Variants in GFM2 observed in about 807,000 individuals in gnomAD.
The protein encoded by GFM2 is GTP dependent ribosome recycling factor mitochondrial 2, also known as ribosome-releasing factor 2, mitochondrial.
GFM2 carries 72 observed loss-of-function variants against 95.4 expected under a neutral mutation model. That is an observed-to-expected ratio of 0.76 (90% CI 0.62 to 0.92). The LOEUF is 0.92. Among genes scored for constraint, GFM2 ranks in the 40% least tolerant of loss-of-function variants. The probability of loss-of-function intolerance (pLI) is 0.00; values close to 1 mark genes in which losing one functional copy is unlikely to be tolerated. For missense variants in GFM2, 825 were observed against 924.1 expected (o/e 0.89, Z 1.39); for synonymous variants, 276 against 317.5 (o/e 0.87, Z 1.39).
At chr5:74,736,489 C>T (rs1742840203) in intron 15 of GFM2, 1 of 985,096 alleles carries the variant, frequency 1.0e-6, no homozygotes, top group African/African-American at 1.7e-5. Context: ...GAATCAGTTA[C>T]TGTCTAATCT....
intron 12 of GFM2, 75 bp from the exon 13 acceptor site, chr5:74,738,717 C>T (rs1464857324): frequency 7.2e-7 from 1 of 1,397,310 alleles, no homozygotes; most frequent in African/African-American, 1.4e-5. Context: ...TTAATGTCCC[C>T]AAAGATCTAT....
At chr5:74,761,035 T>C (rs775975776) in intron 2 of GFM2, 49 bp from the exon 3 acceptor site, 1 of 1,011,540 alleles carries the variant, frequency 9.9e-7, no homozygotes, top group Non-Finnish European at 1.5e-6. Context: ...TTAGCATCAC[T>C]TATTACAGTG....
intron 20 of GFM2, 121 bp from the exon 21 acceptor site, chr5:74,721,904 TCACTTCCTC>T: frequency 1.2e-6 from 1 of 847,596 alleles, no homozygotes; most frequent in Non-Finnish European, 1.8e-6. Context: ...CTTAGCCATA[TCACTTCCTC>T]CAAACAGATG....
intron 12 of GFM2, among the ~76,000 whole-genome samples, chr5:74,739,063 T>C (rs918419609): frequency 1.3e-5 from 2 of 152,128 alleles, no homozygotes; most frequent in African/African-American, 2.4e-5. Context: ...TTGAAATTGT[T>C]CACATAACCA....
Position 74,747,827 on chromosome 5 carries a change from A to G in GFM2, c.520-47T>C, listed in dbSNP as rs754092033. On this transcript the variant is annotated intron_variant, in intron 7 of 20. Coordinates refer to ENST00000296805, the MANE Select transcript of GFM2 (RefSeq NM_032380.5). Reference sequence around the variant, plus strand: ...AAATACATACTGAACAAAAGTAACTATGTTACTAGACCTGGAATGAAGAGA... The same window carrying G: ...AAATACATACTGAACAAAAGTAACTGTGTTACTAGACCTGGAATGAAGAGA... The G allele has an allele frequency of 2.3e-5, 24 of 1,030,770 alleles. No homozygotes were observed. The Admixed American group carries it at 3.7e-4, about 16-fold the overall frequency. 63.9% of individuals were successfully genotyped at this position (1,030,770 alleles called of 1,614,324 possible).
Position 74,725,768 on chromosome 5 carries a change from A to C in GFM2, c.1913-13T>G, listed in dbSNP as rs764298909. On this transcript the variant is annotated splice_polypyrimidine_tract_variant and intron_variant, in intron 18 of 20. Coordinates refer to ENST00000296805, the MANE Select transcript of GFM2 (RefSeq NM_032380.5). ...CCAAGCAATGGTCCTAGACAAGGGA[A>C]AAAAATTGTATCATACTCTGCTAGA... 1 of 1,581,668 alleles carries C rather than the reference A, an allele frequency of 6.3e-7. No individual in the cohort carries two copies. Among genetic ancestry groups the C allele is most frequent in the Non-Finnish European group, 8.7e-7 (1 of 1,150,962 alleles).
intron 6 of GFM2, 45 bp downstream of exon 6, chr5:74,751,323 C>A: frequency 6.4e-7 from 1 of 1,552,912 alleles, no homozygotes; most frequent in Non-Finnish European, 8.7e-7. Context: ...AACAAAAAAA[C>A]TCCAAATGAC....
At chr5:74,740,941 A>G (rs1380624664) in intron 11 of GFM2, among the ~76,000 whole-genome samples, 2 of 152,144 alleles carry the variant, frequency 1.3e-5, no homozygotes, top group African/African-American at 2.4e-5. Flanking sequence ...CTTACGTTTC[A>G]TAAAGAAAAA....
At chr5:74,759,496 C>G (rs770369062) in intron 3 of GFM2, 70 bp from the exon 4 acceptor site, 1 of 809,984 alleles carries the variant, frequency 1.2e-6, no homozygotes. Context: ...AAATGAAAGA[C>G]TTTAAAATAA....
At chr5:74,744,984 A>G (rs972736543) in intron 10 of GFM2, among the ~76,000 whole-genome samples, 4 of 152,204 alleles carry the variant, frequency 2.6e-5, no homozygotes, top group African/African-American at 9.7e-5. Flanking sequence ...GTAACATTTC[A>G]TTTATGTAAA....
At chr5:74,732,915 CTT>C (rs1742641762) in intron 16 of GFM2, 105 bp downstream of exon 16, 6 of 598,302 alleles carry the variant, frequency 1.0e-5, no homozygotes, top group East Asian at 9.1e-5. Flanking sequence ...AGGACACAGA[CTT>C]AATGTTTTAG....
At chr5:74,765,013 T>TC (rs1744483447) in intron 1 of GFM2, 4 of 496,944 alleles carry the variant, frequency 8.0e-6, no homozygotes, top group African/African-American at 2.0e-5. Flanking sequence ...CGTGAACTCC[T>TC]GACCTCAAGT....
Position 74,725,934 on chromosome 5 carries a change from G to C in GFM2, c.1912+7C>G. On this transcript the variant is annotated splice_region_variant and intron_variant, in intron 18 of 20. Transcript: ENST00000296805. ...TACTAATGCTTACTCTCATTTGAGT[G>C]TCTTACCTTGGAGACATGCGCTGTG... 1.2e-6 allele frequency: 2 copies of C among 1,604,466 alleles called. No homozygotes were observed. Among genetic ancestry groups the C allele is most frequent in the African/African-American group, 2.7e-5 (2 of 74,506 alleles).
In GFM2 at chr5:74,738,575, G is replaced by C. The variant is rs199681606; in HGVS notation, c.1147C>G (p.Leu383Val). Residue 383 changes from leucine (L) to valine (V), a missense_variant, in exon 13 of 21, where the codon CTG (leucine) becomes GTG (valine). Coordinates refer to ENST00000296805, the MANE Select transcript of GFM2 (RefSeq NM_032380.5). ...KVLHDKQRGPLVFMRIYSGTI... is the reference protein window; with the variant it reads ...KVLHDKQRGPVVFMRIYSGTI... Reference sequence around the variant, plus strand: ...CCTGAGTAAATGCGCATAAAAACCAGTGGTCCTCGCTGCTTGTCATGGAGA... The same window carrying C: ...CCTGAGTAAATGCGCATAAAAACCACTGGTCCTCGCTGCTTGTCATGGAGA... 2.9e-4 allele frequency: 467 copies of C among 1,613,726 alleles called. No individual in the cohort carries two copies. Among genetic ancestry groups the C allele is most frequent in the Non-Finnish European group, 3.7e-4 (438 of 1,179,716 alleles).
At chr5:74,745,889 A>C in intron 9 of GFM2, 32 bp from the exon 10 acceptor site, 1 of 1,535,818 alleles carries the variant, frequency 6.5e-7, no homozygotes, top group Non-Finnish European at 8.9e-7. Flanking sequence ...ACATTATTAC[A>C]TGATCACTCA....
intron 17 of GFM2, among the ~76,000 whole-genome samples, chr5:74,728,138 A>G (rs1750232567): frequency 6.6e-6 from 1 of 152,134 alleles, no homozygotes; most frequent in South Asian, 2.1e-4. Context: ...TTACTAACAC[A>G]AGTGGCCCTT....
At chr5:74,744,147 C>T (rs764128605) in intron 10 of GFM2, among the ~76,000 whole-genome samples, 2 of 152,126 alleles carry the variant, frequency 1.3e-5, no homozygotes, top group Non-Finnish European at 2.9e-5. Flanking sequence ...CCTGCTTTTA[C>T]ACCAAGGCTA....
chr5:74,731,193 A>G (rs1742544755), intron 16 of GFM2, among the ~76,000 whole-genome samples: 1 of 152,176 alleles, frequency 6.6e-6, no homozygotes. Flanking sequence ...TGGGGGGAAT[A>G]ACCTTTCTAA....
At chr5:74,749,211 C>T (rs1006022435) in intron 7 of GFM2, among the ~76,000 whole-genome samples, 16 of 151,954 alleles carry the variant, frequency 1.1e-4, no homozygotes, top group South Asian at 2.1e-4. Context: ...GATGGGGTTT[C>T]GCCATGTTGC....
Sources: gnomAD v4.1 joint callset for allele counts (sites outside exome capture counted in the v4.1 genomes callset) on GRCh38, gnomAD v4.1.1 for gene constraint, MANE v1.5 for transcripts, NCBI Gene and HGNC (gene_info 2026-07-23, HGNC 2026-07-21) for gene names.